Variants in RHCE observed in about 807,000 individuals in gnomAD.
RHCE encodes Rh blood group CcEe antigens.
In RHCE, 22 loss-of-function variants were observed where a neutral mutation model predicts 43.8. The observed-to-expected ratio is 0.50, with a 90% CI of 0.36 to 0.72. RHCE has a LOEUF of 0.72. Among genes scored for constraint, RHCE ranks in the 30% least tolerant of loss-of-function variants. RHCE has a pLI of 0.00. For missense variants in RHCE, 385 were observed against 525.4 expected (o/e 0.73, Z 2.61); for synonymous variants, 156 against 210.7 (o/e 0.74, Z 2.25).
rs953538998 is a variant in RHCE, at chr1:25,408,367, C to T, written c.335+316G>A. 4.1e-5 allele frequency among the ~76,000 whole-genome samples: 5 copies of T among 122,272 alleles called. 1 individual carries two copies. Among genetic ancestry groups the T allele is most frequent in the Admixed American group, 1.8e-4 (2 of 11,286 alleles). The allele number at this position is 122,272 out of a possible 152,430, so 80.2% of individuals were successfully genotyped here. ...CTCTGTCTAACGTGTTTCCTTCTTACGTTTTCCATAAACTTATACTGATTA... is the reference window on the plus strand; with the variant it reads ...CTCTGTCTAACGTGTTTCCTTCTTATGTTTTCCATAAACTTATACTGATTA... On this transcript the variant is annotated intron_variant, in intron 2 of 9. Coordinates refer to ENST00000294413, the MANE Select transcript of RHCE (RefSeq NM_020485.8).
intron 1 of RHCE, among the ~76,000 whole-genome samples, chr1:25,414,643 T>C (rs1313939371): frequency 6.6e-6 from 1 of 151,968 alleles, no homozygotes; most frequent in African/African-American, 2.4e-5. Flanking sequence ...GAGTATGGGG[T>C]GGGGATGGGG....
At chr1:25,420,864 G>A (rs2042750629), upstream of RHCE, 21 of 1,558,334 alleles carry the variant, frequency 1.3e-5, no homozygotes, top group East Asian at 2.1e-4. Flanking sequence ...GAGGGCTTGA[G>A]GGAGCGATAG....
intron 3 of RHCE, among the ~76,000 whole-genome samples, chr1:25,393,027 A>G (rs1226111742): frequency 6.6e-6 from 1 of 152,170 alleles, no homozygotes; most frequent in Non-Finnish European, 1.5e-5. Flanking sequence ...TTCTTGTAAT[A>G]CCAAACTAAG....
chr1:25,394,781 C>A (rs2375320), intron 3 of RHCE, among the ~76,000 whole-genome samples: 1 of 152,138 alleles, frequency 6.6e-6, no homozygotes, highest in African/African-American at 2.4e-5. Flanking sequence ...AGCGGGCTTG[C>A]GTTTTTCATC....
At chr1:25,414,295 C>T (rs1273999702) in intron 1 of RHCE, among the ~76,000 whole-genome samples, 1 of 152,120 alleles carries the variant, frequency 6.6e-6, no homozygotes, top group Non-Finnish European at 1.5e-5. Context: ...TGCACCCCCT[C>T]CCACTCTTGC....
intron 9 of RHCE, among the ~76,000 whole-genome samples, chr1:25,369,730 ATTTTT>A (rs3080376): frequency 7.3e-5 from 7 of 95,492 alleles, no homozygotes; most frequent in Non-Finnish European, 1.2e-4. Context: ...CACTGTAAGA[ATTTTT>A]TTTTTTTTTT....
rs887275950 is a variant in RHCE at position 25,362,401 on chromosome 1, G to C, written c.*126C>G. 1.2e-6 allele frequency: 2 copies of C among 1,608,690 alleles called. No homozygotes were observed. The highest frequency in any genetic ancestry group is 1.7e-6 in the Non-Finnish European group (2 of 1,176,472). ...ATTTTTTAATATCAAATCTGTCTCTGACCTTGTTTCATTATACATAAGGAG... is the reference window on the plus strand; with the variant it reads ...ATTTTTTAATATCAAATCTGTCTCTCACCTTGTTTCATTATACATAAGGAG... On this transcript the variant is annotated 3_prime_UTR_variant, in exon 10 of 10. Transcript: ENST00000294413.
intron 3 of RHCE, among the ~76,000 whole-genome samples, chr1:25,393,974 C>T (rs1646461037): frequency 1.3e-5 from 2 of 152,072 alleles, no homozygotes; most frequent in Non-Finnish European, 2.9e-5. Context: ...AGTCTGTCTG[C>T]TTTTTATTTT....
upstream of RHCE, among the ~76,000 whole-genome samples, chr1:25,424,729 C>T (rs1175779900): frequency 6.6e-6 from 1 of 152,102 alleles, no homozygotes; most frequent in Non-Finnish European, 1.5e-5. Flanking sequence ...ACTCCCCTTT[C>T]TGCTCCCCTT....
At chr1:25,416,826 G>GGC (rs1553161325) in intron 1 of RHCE, among the ~76,000 whole-genome samples, 1 of 148,168 alleles carries the variant, frequency 6.7e-6, no homozygotes, top group Non-Finnish European at 1.5e-5. Flanking sequence ...TGGCGGGGGG[G>GGC]GGTCTCCCTA....
At position 25,392,090 on chromosome 1, in the gene RHCE, C is replaced by A; in HGVS notation, c.538G>T (p.Gly180Trp). The change falls in exon 4 of 10, where the codon GGG becomes TGG. Residue 180 changes from glycine to tryptophan, a missense_variant. Gly to Trp is a radical substitution (Grantham distance 184, BLOSUM62 -2). Transcript: ENST00000294413. ...RHFYVFAAYF[G>W]LTVAWCLPKP... ...GGCAGGCACCAGGCCACAGTCAGCC[C>A]AAAATAGGCTGCGAACACGTAGAAG... 6.2e-7 allele frequency: 1 copy of A among 1,614,144 alleles called. No individual in the cohort carries two copies. Among genetic ancestry groups the A allele is most frequent in the Non-Finnish European group, 8.5e-7 (1 of 1,180,026 alleles).
intron 1 of RHCE, among the ~76,000 whole-genome samples, chr1:25,429,221 G>GTTTTTTT (rs386366538): frequency 8.0e-5 from 9 of 112,382 alleles, no homozygotes; most frequent in African/African-American, 2.1e-4. Flanking sequence ...TTCCTGGGAA[G>GTTTTTTT]TTTTTTTTTT....
chr1:25,408,822 T>C lies in RHCE; in HGVS notation c.196A>G (p.Thr66Ala). The change falls in exon 2 of 10, where the codon ACC becomes GCC. Residue 66 changes from threonine to alanine, a missense_variant. Physicochemically the swap from Thr to Ala is moderately conservative, Grantham distance 58. This residue lies in a region of RHCE where 110 missense variants were observed against 192.1 expected (regional missense o/e 0.57). Coordinates refer to ENST00000294413, the MANE Select transcript of RHCE (RefSeq NM_020485.8). ...CAGCTGTGTCTCCGGAAATTTGAGG[T>C]GAGGAAGCCCAAGCCAAGGGCCGCC... is the stretch of plus-strand genomic sequence containing the variant. ...VMAALGLGFL[T>A]SNFRRHSWSS... 7.8e-7 allele frequency: 1 copy of C among 1,281,870 alleles called. No individual in the cohort carries two copies. The highest frequency in any genetic ancestry group is 1.0e-6 in the Non-Finnish European group (1 of 962,368). 79.4% of individuals were successfully genotyped at this position (1,281,870 alleles called of 1,614,324 possible).
chr1:25,422,579 T>C (rs150615311), upstream of RHCE, among the ~76,000 whole-genome samples: 637 of 152,286 alleles, frequency 4.2e-3, no homozygotes, highest in Non-Finnish European at 6.5e-3. Flanking sequence ...TTATTACAAA[T>C]GAGTAAACTG....
chr1:25,404,972 C>T (rs565504495), intron 2 of RHCE, among the ~76,000 whole-genome samples: 1 of 149,134 alleles, frequency 6.7e-6, no homozygotes, highest in Non-Finnish European at 1.5e-5. Context: ...GGGAGGATTG[C>T]TTAAGGCCTG....
chr1:25,386,842 A>AAC (rs3079633), intron 6 of RHCE, among the ~76,000 whole-genome samples: 8,435 of 138,778 alleles, frequency 0.061, 319 homozygotes, highest in African/African-American at 0.11. Context: ...ACAACAACAA[A>AAC]ACACACACAC....
chr1:25,382,486 G>C (rs866765926), intron 7 of RHCE, among the ~76,000 whole-genome samples: 1 of 148,040 alleles, frequency 6.8e-6, no homozygotes, highest in South Asian at 2.1e-4. Flanking sequence ...CAGAATAGAG[G>C]ATAAACCCAA....
At chr1:25,412,524 G>A (rs1329321288) in intron 1 of RHCE, among the ~76,000 whole-genome samples, 5 of 151,908 alleles carry the variant, frequency 3.3e-5, no homozygotes, top group Middle Eastern at 3.2e-3. Context: ...ACCAGCCTAG[G>A]CAACATAGCA....
chr1:25,372,128 AT>A (rs1278554111), intron 8 of RHCE, among the ~76,000 whole-genome samples: 1 of 151,742 alleles, frequency 6.6e-6, no homozygotes, highest in Non-Finnish European at 1.5e-5. Flanking sequence ...ACACCCACTT[AT>A]AACGTGCCAT....
Sources: gnomAD v4.1 joint callset for allele counts (sites outside exome capture counted in the v4.1 genomes callset) on GRCh38, gnomAD v4.1.1 for gene constraint, gnomAD v4.1.1 regional missense constraint, MANE v1.5 for transcripts, NCBI Gene and HGNC (gene_info 2026-07-23, HGNC 2026-07-21) for gene names.